The following C1orf105 variants were observed in gnomAD, a reference collection of about 807,000 sequenced individuals.
The protein encoded by C1orf105 is uncharacterized protein C1orf105.
Under a neutral mutation model 20.8 loss-of-function variants are expected in C1orf105, and 17 were observed. That is an observed-to-expected ratio of 0.82 (90% CI 0.56 to 1.23). C1orf105 has a LOEUF of 1.23. Among genes scored for constraint, C1orf105 ranks in the 50% most tolerant of loss-of-function variants. The pLI is 0.00. For synonymous variants in C1orf105, 72 were observed against 72.1 expected (o/e 1.00, Z 0.01); for missense variants, 219 against 213.5 (o/e 1.03, Z -0.16).
intron 3 of C1orf105, among the ~76,000 whole-genome samples, chr1:172,451,488 A>G (rs935047728): frequency 6.6e-6 from 1 of 152,168 alleles, no homozygotes; most frequent in Non-Finnish European, 1.5e-5. Flanking sequence ...ACATTGACTA[A>G]ATTTTCAAAG....
At chr1:172,439,646 ACC>A (rs2072155306) in intron 1 of C1orf105, among the ~76,000 whole-genome samples, 1 of 152,180 alleles carries the variant, frequency 6.6e-6, no homozygotes, top group Non-Finnish European at 1.5e-5. Flanking sequence ...TTGTCATCCC[ACC>A]AAGAAACTAT....
chr1:172,462,328 A>AGAGGAATGTTT, intron 5 of C1orf105, 83 bp downstream of exon 5: 1 of 1,043,124 alleles, frequency 9.6e-7, no homozygotes, highest in Non-Finnish European at 1.4e-6. Flanking sequence ...AAGCCTAGTA[A>AGAGGAATGTTT]GAGGAATGTT....
At chr1:172,444,773 G>C (rs1212350972) in intron 1 of C1orf105, among the ~76,000 whole-genome samples, 1 of 152,138 alleles carries the variant, frequency 6.6e-6, no homozygotes, top group African/African-American at 2.4e-5. Context: ...AAGTAATAAA[G>C]AAACAAAGGG....
At chr1:172,447,909 C>G (rs1648190695) in intron 2 of C1orf105, among the ~76,000 whole-genome samples, 2 of 152,158 alleles carry the variant, frequency 1.3e-5, no homozygotes, top group Admixed American at 1.3e-4. Context: ...GGCAGGTCAC[C>G]CTGTAAAAGG....
At chr1:172,430,263 C>G (rs977598945) in intron 1 of C1orf105, 2 of 695,370 alleles carry the variant, frequency 2.9e-6, no homozygotes, top group Admixed American at 2.1e-5. Context: ...CCACAACTGT[C>G]ATACTACTTT....
At chr1:172,434,383 C>A (rs568818506) in intron 1 of C1orf105, among the ~76,000 whole-genome samples, 1 of 152,108 alleles carries the variant, frequency 6.6e-6, no homozygotes, top group East Asian at 1.9e-4. Flanking sequence ...TGTAAAAGAA[C>A]AGAAATCACA....
chr1:172,449,345 A>G (rs1280820170), intron 3 of C1orf105, among the ~76,000 whole-genome samples: 1 of 152,192 alleles, frequency 6.6e-6, no homozygotes, highest in African/African-American at 2.4e-5. Flanking sequence ...AACAGGGCAC[A>G]GCACTTGTGA....
chr1:172,442,348 G>A, intron 1 of C1orf105: 5 of 1,613,142 alleles, frequency 3.1e-6, no homozygotes, highest in African/African-American at 1.3e-5. Context: ...AATCAGTGAA[G>A]AAGCCAGACC....
In C1orf105 at chr1:172,468,680, A is replaced by G; in HGVS notation, c.*86A>G. On this transcript the variant is annotated 3_prime_UTR_variant, in exon 7 of 7. Coordinates refer to ENST00000367727, the MANE Select transcript of C1orf105 (RefSeq NM_139240.4). ...TTTGACACTGGCACCTTCTCCTCAC[A>G]ATTTTCTCTCTTCTCCCAAAAGATG... 7.1e-7 allele frequency: 1 copy of G among 1,399,934 alleles called. No homozygotes were observed. The highest frequency in any genetic ancestry group is 9.7e-7 in the Non-Finnish European group (1 of 1,029,206). The allele number at this position is 1,399,934 out of a possible 1,614,324, so 86.7% of individuals were successfully genotyped here.
intron 1 of C1orf105, among the ~76,000 whole-genome samples, chr1:172,427,775 T>C (rs1381733766): frequency 6.6e-6 from 1 of 152,230 alleles, no homozygotes; most frequent in South Asian, 2.1e-4. Context: ...TTGCTTCTTC[T>C]TCGCCTCAAC....
At chr1:172,458,156 GATTAGAAAC>G (rs1649438513) in intron 4 of C1orf105, among the ~76,000 whole-genome samples, 4 of 152,138 alleles carry the variant, frequency 2.6e-5, no homozygotes, top group Non-Finnish European at 5.9e-5. Context: ...TTTCCCCTAA[GATTAGAAAC>G]AGGGCAACAA....
At chr1:172,422,406 G>A (rs957541596) in intron 1 of C1orf105, among the ~76,000 whole-genome samples, 4 of 152,152 alleles carry the variant, frequency 2.6e-5, no homozygotes, top group African/African-American at 9.7e-5. Flanking sequence ...GCCTTGAAGG[G>A]AAGGACCCAG....
chr1:172,436,161 C>A (rs999730966), intron 1 of C1orf105, among the ~76,000 whole-genome samples: 33 of 152,136 alleles, frequency 2.2e-4, no homozygotes, highest in African/African-American at 7.7e-4. Context: ...AATGGCCATA[C>A]CGCCCAAGGT....
In C1orf105 at chr1:172,445,155, G is replaced by A. The variant is rs775512356; in HGVS notation, c.104G>A (p.Arg35Lys). The change falls in exon 2 of 7, where the codon AGA becomes AAA. Residue 35 changes from arginine (R) to lysine (K), a missense_variant. Transcript: ENST00000367727. Reference sequence around the variant, plus strand: ...AAGCCATTAGTGCTCAGCCTTCCCAGAAGGTAACCTCTCAGCCACCGAGGG... The same window carrying A: ...AAGCCATTAGTGCTCAGCCTTCCCAAAAGGTAACCTCTCAGCCACCGAGGG... ...VNKPLVLSLP[R>K]RYPHTSATFL... 9 of 1,609,900 alleles carry A rather than the reference G, an allele frequency of 5.6e-6. No individual in the cohort carries two copies. The East Asian group carries it at 2.0e-4, about 36-fold the overall frequency.
At chr1:172,432,118 C>T (rs1176331514) in intron 1 of C1orf105, among the ~76,000 whole-genome samples, 1 of 152,232 alleles carries the variant, frequency 6.6e-6, no homozygotes, top group African/African-American at 2.4e-5. Flanking sequence ...CACTGCAGCT[C>T]AGCAAGGCCT....
chr1:172,427,437 T>C (rs1316658602), intron 1 of C1orf105, among the ~76,000 whole-genome samples: 1 of 152,234 alleles, frequency 6.6e-6, no homozygotes, highest in African/African-American at 2.4e-5. Flanking sequence ...TATCATTTTT[T>C]TGGTCTTCAC....
intron 3 of C1orf105, chr1:172,453,334 G>A (rs1648877855): frequency 9.3e-7 from 1 of 1,080,336 alleles, no homozygotes; most frequent in Admixed American, 2.9e-5. Flanking sequence ...TTATATGATT[G>A]ACAAAAGTCA....
At chr1:172,445,002 C>T in intron 1 of C1orf105, 71 bp from the exon 2 acceptor site, 1 of 1,258,696 alleles carries the variant, frequency 7.9e-7, no homozygotes, top group Non-Finnish European at 1.1e-6. Context: ...TATTAGCTGA[C>T]TTTGGCCATC....
chr1:172,425,979 A>T (rs12094289), intron 1 of C1orf105, among the ~76,000 whole-genome samples: 80 of 151,608 alleles, frequency 5.3e-4, no homozygotes, highest in African/African-American at 1.9e-3. Flanking sequence ...TCATCCAAGA[A>T]CCCCTGGATT....
Sources: allele counts gnomAD v4.1 joint callset (sites outside exome capture counted in the v4.1 genomes callset), GRCh38; gene constraint gnomAD v4.1.1; transcripts MANE v1.5; gene names NCBI Gene and HGNC (gene_info 2026-07-23, HGNC 2026-07-21).